The following WSB2 variants were observed in gnomAD, a reference collection of about 807,000 sequenced individuals.
The protein encoded by WSB2 is WD repeat and SOCS box containing 2, also known as WD repeat and SOCS box-containing protein 2.
WSB2 carries 12 observed loss-of-function variants against 48.8 expected under a neutral mutation model. The observed-to-expected ratio is 0.25, with a 90% CI of 0.16 to 0.40. The LOEUF (loss-of-function observed/expected upper bound fraction) is 0.40. WSB2 is among the 10% of genes least tolerant of loss of function. The pLI is 1.00. For missense variants in WSB2, 317 were observed against 506.2 expected, an observed-to-expected ratio of 0.63 and a Z score of 3.59; for synonymous variants, 191 against 203.1, an observed-to-expected ratio of 0.94 and a Z score of 0.51.
chr12:118,054,576 A>C (rs2031918004), intron 1 of WSB2, among the ~76,000 whole-genome samples: 1 of 152,096 alleles, frequency 6.6e-6, no homozygotes, highest in Non-Finnish European at 1.5e-5. Context: ...GGGCTGAGGC[A>C]GGAGAATCGC....
Position 118,035,005 on chromosome 12 carries a change from C to A in WSB2, c.1033G>T (p.Gly345Cys). ...ACATACCCTGTGGCAATGACTCCAC[C>A]ATGTGGAAAAAATGTGCAGCAAAGC... is the stretch of plus-strand genomic sequence containing the variant. Reference protein sequence around the residue: ...NGLCCTFFPHGGVIATGTRDG... With the variant: ...NGLCCTFFPHCGVIATGTRDG... Residue 345 changes from glycine to cysteine, a missense_variant, in exon 8 of 9, where the codon GGT becomes TGT. By Grantham distance (159) the Gly-to-Cys change is radical. Transcript: ENST00000315436. 1 of 1,614,134 alleles carries A rather than the reference C, an allele frequency of 6.2e-7. No individual in the cohort carries two copies. Among genetic ancestry groups the A allele is most frequent in the South Asian group, 1.1e-5 (1 of 91,078 alleles).
intron 1 of WSB2, among the ~76,000 whole-genome samples, chr12:118,055,315 A>C (rs2031935288): frequency 6.6e-6 from 1 of 152,166 alleles, no homozygotes. Flanking sequence ...TCTACAGCGC[A>C]CAGGACAGCC....
At chr12:118,035,347 G>A (rs1432631400) in intron 6 of WSB2, 23 bp from the exon 7 acceptor site, 2 of 1,607,032 alleles carry the variant, frequency 1.2e-6, no homozygotes, top group East Asian at 2.2e-5. Flanking sequence ...GAAACAGGAT[G>A]GCAGGCCTGG....
Position 118,033,626 on chromosome 12 carries a change from A to T in WSB2, c.*570T>A, listed in dbSNP as rs1424018250. The T allele has an allele frequency of 6.6e-6, 1 of 152,102 alleles. No homozygotes were observed. Among genetic ancestry groups the T allele is most frequent in the African/African-American group, 2.4e-5 (1 of 41,388 alleles). 9.4% of individuals were successfully genotyped at this position (152,102 alleles called of 1,614,324 possible). On this transcript the variant is annotated 3_prime_UTR_variant, in exon 9 of 9. Coordinates refer to ENST00000315436, the MANE Select transcript of WSB2 (RefSeq NM_018639.5). ...CTCTGAGTCCCCTGTAATTTAGTTA[A>T]GCTAAATTAATACCTCATACCAAAT...
intron 1 of WSB2, among the ~76,000 whole-genome samples, chr12:118,056,076 C>A (rs7485457): frequency 0.06 from 9,135 of 152,156 alleles, 309 homozygotes; most frequent in Non-Finnish European, 0.07. Context: ...CTCCCGGCTT[C>A]CCCTCTAGCC....
At chr12:118,037,528 C>T (rs1450745689) in intron 5 of WSB2, among the ~76,000 whole-genome samples, 2 of 151,922 alleles carry the variant, frequency 1.3e-5, no homozygotes, top group East Asian at 3.9e-4. Flanking sequence ...ATTAGCCAGG[C>T]GTGGTGTAGC....
chr12:118,042,349 AAAGAG>A (rs2031653695), intron 4 of WSB2: 1 of 156,094 alleles, frequency 6.4e-6, no homozygotes, highest in African/African-American at 2.4e-5. Context: ...ACTGGCATCA[AAAGAG>A]AAGAGACCAG....
At chr12:118,039,444 T>C (rs1296810198) in intron 4 of WSB2, among the ~76,000 whole-genome samples, 1 of 152,162 alleles carries the variant, frequency 6.6e-6, no homozygotes, top group East Asian at 1.9e-4. Context: ...CGTGAAGATG[T>C]ATGATTCCAT....
At chr12:118,054,686 AT>A (rs551288277) in intron 1 of WSB2, among the ~76,000 whole-genome samples, 1,885 of 82,842 alleles carry the variant, frequency 0.023, 33 homozygotes, top group East Asian at 0.16. Context: ...TCAAAAAATA[AT>A]AATAATAATA....
intron 1 of WSB2, among the ~76,000 whole-genome samples, chr12:118,056,655 C>A (rs1388702208): frequency 6.6e-6 from 1 of 152,186 alleles, no homozygotes; most frequent in Non-Finnish European, 1.5e-5. Context: ...AATCCCAACA[C>A]TTTGGGAGGC....
In WSB2 at chr12:118,036,357, C is replaced by T; in HGVS notation, c.814G>A (p.Glu272Lys). 1 of 1,614,048 alleles carries T rather than the reference C, an allele frequency of 6.2e-7. No individual in the cohort carries two copies. Residue 272 changes from glutamate to lysine, a missense_variant, in exon 6 of 9, where the codon GAA becomes AAA. By Grantham distance (56) the Glu-to-Lys change is moderately conservative (BLOSUM62 1). This residue lies in a region of WSB2 where 189 missense variants were observed against 349.6 expected (regional missense o/e 0.54). Coordinates refer to ENST00000315436, the MANE Select transcript of WSB2 (RefSeq NM_018639.5). Reference protein sequence around the residue: ...NVIMWDPYTGERLRSLHHTQV... With the variant: ...NVIMWDPYTGKRLRSLHHTQV... ...CCTTACTGGAGTGACCTCAGCCTTT[C>T]GCCGGTGTAGGGGTCCCACATAATC...
intron 1 of WSB2, among the ~76,000 whole-genome samples, chr12:118,057,652 G>T (rs1283481449): frequency 1.3e-5 from 2 of 152,040 alleles, no homozygotes; most frequent in Non-Finnish European, 2.9e-5. Context: ...ATACATTGTG[G>T]AATGGCTCAG....
At chr12:118,062,055 A>C (rs1460831715), upstream of WSB2, 1 of 1,522,252 alleles carries the variant, frequency 6.6e-7, no homozygotes, top group Admixed American at 2.0e-5. Flanking sequence ...CGAGATAAAA[A>C]ACGGGGCAGG....
intron 2 of WSB2, among the ~76,000 whole-genome samples, chr12:118,049,433 G>A (rs746414800): frequency 6.6e-5 from 10 of 150,694 alleles, no homozygotes; most frequent in Non-Finnish European, 1.2e-4. Flanking sequence ...ATGGAATCTC[G>A]CTCTGTTACC....
intron 1 of WSB2, among the ~76,000 whole-genome samples, chr12:118,057,506 C>T (rs1349631085): frequency 6.6e-6 from 1 of 152,144 alleles, no homozygotes; most frequent in African/African-American, 2.4e-5. Context: ...AACTCCTGAC[C>T]TCAGGTGATC....
upstream of WSB2, chr12:118,062,135 G>A (rs541287831): frequency 1.8e-5 from 27 of 1,535,434 alleles, no homozygotes; most frequent in Middle Eastern, 1.7e-4. Flanking sequence ...GTCCCCCTGA[G>A]AAACCTGCTC....
At chr12:118,043,050 A>G (rs1358531601) in intron 3 of WSB2, 78 bp from the exon 4 acceptor site, 8 of 1,613,524 alleles carry the variant, frequency 5.0e-6, no homozygotes, top group Non-Finnish European at 6.8e-6. Flanking sequence ...CCCCTTGGCC[A>G]ACGTGAGTGG....
intron 1 of WSB2, among the ~76,000 whole-genome samples, chr12:118,056,212 T>C (rs2062425552): frequency 6.6e-6 from 1 of 152,080 alleles, no homozygotes. Context: ...TGTACTTCTC[T>C]CCCTGCCCCT....
chr12:118,037,494 T>G (rs1475670984), intron 5 of WSB2, among the ~76,000 whole-genome samples: 2 of 151,644 alleles, frequency 1.3e-5, no homozygotes, highest in Non-Finnish European at 2.9e-5. Context: ...TGGTGAAACC[T>G]CATTTCTACT....
Sources: allele counts gnomAD v4.1 joint callset (sites outside exome capture counted in the v4.1 genomes callset), GRCh38; gene constraint gnomAD v4.1.1; regional missense constraint gnomAD v4.1.1; transcripts MANE v1.5; gene names NCBI Gene and HGNC (gene_info 2026-07-23, HGNC 2026-07-21).